Variants in SPICE1 observed in about 807,000 individuals in gnomAD.
The protein encoded by SPICE1 is spindle and centriole associated protein 1.
Under a neutral mutation model 102.7 loss-of-function variants are expected in SPICE1, and 75 were observed. The observed-to-expected ratio is 0.73, with a 90% CI of 0.61 to 0.88. The LOEUF is 0.88. SPICE1 is among the 40% of genes least tolerant of loss of function. The pLI, the probability that SPICE1 is intolerant of heterozygous loss-of-function variation, is 0.00. For missense variants in SPICE1, 979 were observed against 1,020.1 expected (o/e 0.96, Z 0.55); for synonymous variants, 308 against 350.3 (o/e 0.88, Z 1.35).
chr3:113,495,386 G>C (rs1382116157), intron 4 of SPICE1, among the ~76,000 whole-genome samples: 3 of 152,200 alleles, frequency 2.0e-5, no homozygotes, highest in Admixed American at 2.0e-4. Context: ...AAGAAAAATA[G>C]CAAGAGTCAC....
chr3:113,452,584 T>G (rs1406340883), intron 14 of SPICE1, among the ~76,000 whole-genome samples: 1 of 152,134 alleles, frequency 6.6e-6, no homozygotes, highest in African/African-American at 2.4e-5. Flanking sequence ...CTTGGGAGGC[T>G]GAGGCAGCAG....
chr3:113,491,482 G>A (rs113000505), intron 6 of SPICE1, among the ~76,000 whole-genome samples: 6,448 of 151,616 alleles, frequency 0.043, 167 homozygotes, highest in East Asian at 0.1. Context: ...AAAATTAGCC[G>A]GGCATGGTGG....
intron 12 of SPICE1, among the ~76,000 whole-genome samples, chr3:113,459,167 C>CAAAT (rs1006415051): frequency 1.3e-4 from 20 of 152,138 alleles, no homozygotes; most frequent in Non-Finnish European, 2.5e-4. Flanking sequence ...AAGGGTTAAA[C>CAAAT]GGATTAAGGG....
intron 13 of SPICE1, among the ~76,000 whole-genome samples, chr3:113,455,191 T>C (rs1179031789): frequency 2.0e-5 from 3 of 152,194 alleles, no homozygotes; most frequent in African/African-American, 7.2e-5. Context: ...TAAAAAACCA[T>C]ATACAAATAT....
chr3:113,501,828 T>C (rs1023800213), intron 3 of SPICE1, among the ~76,000 whole-genome samples: 3 of 152,206 alleles, frequency 2.0e-5, no homozygotes, highest in Admixed American at 6.5e-5. Flanking sequence ...AGCCACTTCA[T>C]AGAACAGTTT....
chr3:113,472,656 G>C (rs1008367131), intron 7 of SPICE1, among the ~76,000 whole-genome samples: 1 of 152,206 alleles, frequency 6.6e-6, no homozygotes, highest in Non-Finnish European at 1.5e-5. Flanking sequence ...AGCCACCGCT[G>C]CTGATACCCA....
intron 12 of SPICE1, chr3:113,460,343 C>T (rs1935900202): frequency 1.1e-6 from 1 of 906,428 alleles, no homozygotes; most frequent in South Asian, 5.1e-5. Flanking sequence ...CCTGTTTCCT[C>T]TAAGGATAAC....
chr3:113,475,604 T>C (rs1168080150), intron 7 of SPICE1, among the ~76,000 whole-genome samples: 1 of 152,108 alleles, frequency 6.6e-6, no homozygotes, highest in Non-Finnish European at 1.5e-5. Flanking sequence ...GTGGGCTTCA[T>C]CCCTGGGATG....
Position 113,469,133 on chromosome 3 carries a change from C to A in SPICE1, c.717G>T (p.Thr239=), listed in dbSNP as rs767702801. The change falls in exon 8 of 18, where the codon ACG becomes ACT. Residue 239 remains threonine (T), a synonymous_variant. Coordinates refer to ENST00000295872, the MANE Select transcript of SPICE1 (RefSeq NM_144718.4). ...ATQSQITPPG[T]PSSALSSGEQ... ...CCCCTGATGAAAGAGCAGATGATGG[C>A]GTTCCTGGAGGAGTTATTTGTGACT... 1 of 1,613,306 alleles carries A rather than the reference C, an allele frequency of 6.2e-7. No individual in the cohort carries two copies. The highest frequency in any genetic ancestry group is 1.7e-4 in the Middle Eastern group (1 of 6,060).
intron 13 of SPICE1, among the ~76,000 whole-genome samples, chr3:113,454,844 GT>G (rs1935744728): frequency 1.3e-5 from 2 of 152,156 alleles, no homozygotes; most frequent in South Asian, 4.1e-4. Context: ...TCTCAGGCAT[GT>G]ATGACTGATA....
At chr3:113,487,062 A>G (rs1001633836) in intron 7 of SPICE1, among the ~76,000 whole-genome samples, 7 of 152,068 alleles carry the variant, frequency 4.6e-5, no homozygotes, top group African/African-American at 1.4e-4. Context: ...AAAAACCTAA[A>G]ATTGAATACA....
At chr3:113,459,528 T>G (rs959177948) in intron 12 of SPICE1, 2 of 984,822 alleles carry the variant, frequency 2.0e-6, no homozygotes, top group African/African-American at 3.5e-5. Flanking sequence ...AAAAGCTTTC[T>G]CAGTAGTGAA....
intron 4 of SPICE1, among the ~76,000 whole-genome samples, chr3:113,496,218 A>C (rs1936882144): frequency 6.6e-6 from 1 of 152,128 alleles, no homozygotes; most frequent in Non-Finnish European, 1.5e-5. Context: ...AAATGGTTTG[A>C]GTGATCAAAG....
intron 12 of SPICE1, chr3:113,460,004 A>G (rs1159172439): frequency 1.0e-6 from 1 of 985,370 alleles, no homozygotes; most frequent in East Asian, 1.1e-4. Flanking sequence ...CATCCTAAGA[A>G]AACGGTTTTA....
intron 3 of SPICE1, among the ~76,000 whole-genome samples, chr3:113,502,150 C>T (rs1191303850): frequency 3.3e-5 from 5 of 152,002 alleles, no homozygotes; most frequent in African/African-American, 1.2e-4. Flanking sequence ...CTGAGGTGGG[C>T]AGATTCCTTG....
rs533616475 is a variant in SPICE1, at chr3:113,506,489, T to C, written c.99+18A>G. On this transcript the variant is annotated intron_variant, in intron 2 of 17. Transcript: ENST00000295872. ...TCCAGAGTAATGTTACATTATTTAC[T>C]ATCCCACCTATACTCACATCCCATT... 8.2e-6 allele frequency: 13 copies of C among 1,578,980 alleles called. No homozygotes were observed. Among genetic ancestry groups the C allele is most frequent in the Non-Finnish European group, 1.1e-5 (13 of 1,149,526 alleles).
chr3:113,458,369 C>T (rs1935833935), intron 12 of SPICE1, among the ~76,000 whole-genome samples: 1 of 152,064 alleles, frequency 6.6e-6, no homozygotes, highest in Non-Finnish European at 1.5e-5. Flanking sequence ...CGCGCCACCA[C>T]ACCTGACTGG....
chr3:113,468,453 C>G, intron 9 of SPICE1, 49 bp from the exon 10 acceptor site: 1 of 1,563,686 alleles, frequency 6.4e-7, no homozygotes, highest in Non-Finnish European at 8.7e-7. Flanking sequence ...AAAATTATGA[C>G]TAGAAAACTA....
In SPICE1 at chr3:113,494,064, G is replaced by A; in HGVS notation, c.370C>T (p.Pro124Ser). Reference protein sequence around the residue: ...HLIAAAKELFPRRRTGFPNVT... With the variant: ...HLIAAAKELFSRRRTGFPNVT... ...AATTGAATACCTGTGCGCCTACGAGGAAACAGCTCTTTTGCTGCAGCTATT... is the reference window on the plus strand; with the variant it reads ...AATTGAATACCTGTGCGCCTACGAGAAAACAGCTCTTTTGCTGCAGCTATT... Residue 124 changes from proline to serine, a missense_variant, in exon 5 of 18, where the codon CCT (proline) becomes TCT (serine). Transcript: ENST00000295872. 6.2e-7 allele frequency: 1 copy of A among 1,611,340 alleles called. No homozygotes were observed. Among genetic ancestry groups the A allele is most frequent in the Non-Finnish European group, 8.5e-7 (1 of 1,179,132 alleles).
Sources: allele counts gnomAD v4.1 joint callset (sites outside exome capture counted in the v4.1 genomes callset), GRCh38; gene constraint gnomAD v4.1.1; transcripts MANE v1.5; gene names NCBI Gene and HGNC (gene_info 2026-07-23, HGNC 2026-07-21).